The following CCSER1 variants were observed in gnomAD, a reference collection of about 807,000 sequenced individuals.
The protein encoded by CCSER1 is serine-rich coiled-coil domain-containing protein 1.
CCSER1 carries 41 observed loss-of-function variants against 82.0 expected under a neutral mutation model. The observed-to-expected ratio is 0.50, with a 90% CI of 0.39 to 0.65. The LOEUF is 0.65. Ranked by LOEUF, CCSER1 falls within the 30% of genes least tolerant of loss-of-function variation. The pLI, the probability that CCSER1 is intolerant of heterozygous loss-of-function variation, is 0.00. For missense variants in CCSER1, 1,119 were observed against 1,064.2 expected (o/e 1.05, Z -0.72); for synonymous variants, 414 against 383.9 (o/e 1.08, Z -0.92).
intron 10 of CCSER1, among the ~76,000 whole-genome samples, chr4:91,477,271 A>ATT (rs1311744433): frequency 6.6e-6 from 1 of 151,712 alleles, no homozygotes; most frequent in East Asian, 1.9e-4. Context: ...TCTTAAGACA[A>ATT]TTCTCAAAAG....
At chr4:91,337,296 C>T (rs1747388826) in intron 10 of CCSER1, among the ~76,000 whole-genome samples, 1 of 151,972 alleles carries the variant, frequency 6.6e-6, no homozygotes, top group Non-Finnish European at 1.5e-5. Flanking sequence ...TCTAATATAC[C>T]ATATACATTA....
chr4:91,477,865 A>G (rs1241754872), intron 10 of CCSER1, among the ~76,000 whole-genome samples: 1 of 151,800 alleles, frequency 6.6e-6, no homozygotes, highest in Non-Finnish European at 1.5e-5. Context: ...GATAAACATA[A>G]AGATATCTTT....
intron 10 of CCSER1, among the ~76,000 whole-genome samples, chr4:91,229,045 C>A (rs1006812594): frequency 2.0e-5 from 3 of 152,028 alleles, no homozygotes; most frequent in Admixed American, 2.0e-4. Flanking sequence ...GTAGAGCGGG[C>A]CAATGATAAA....
At chr4:91,140,785 T>C (rs1040524011) in intron 10 of CCSER1, among the ~76,000 whole-genome samples, 53 of 152,304 alleles carry the variant, frequency 3.5e-4, no homozygotes, top group African/African-American at 1.3e-3. Context: ...TTCAGTTTTC[T>C]TGTCTTTTCT....
At position 90,400,070 on chromosome 4, in the gene CCSER1, A is replaced by G; in HGVS notation, c.1544A>G (p.Asp515Gly). ...VLNNLGSCEL[D>G]EDDLMLDLEF... Reference sequence around the variant, plus strand: ...AATAATTTGGGATCTTGTGAACTGGATGAAGATGATCTAATGCTTGATCTT... The same window carrying G: ...AATAATTTGGGATCTTGTGAACTGGGTGAAGATGATCTAATGCTTGATCTT... Residue 515 changes from aspartate to glycine, a missense_variant, in exon 4 of 11, where the codon GAT becomes GGT. Transcript: ENST00000509176. 6.2e-7 allele frequency: 1 copy of G among 1,608,810 alleles called. No homozygotes were observed. The highest frequency in any genetic ancestry group is 8.5e-7 in the Non-Finnish European group (1 of 1,176,178).
chr4:90,290,638 T>G (rs1259547934), intron 1 of CCSER1, among the ~76,000 whole-genome samples: 3 of 151,964 alleles, frequency 2.0e-5, no homozygotes, highest in Admixed American at 6.6e-5. Context: ...TCTCTCTCGC[T>G]CGCTTGTTTT....
chr4:91,261,321 G>A (rs1741115407), intron 10 of CCSER1, among the ~76,000 whole-genome samples: 1 of 152,198 alleles, frequency 6.6e-6, no homozygotes, highest in Admixed American at 6.5e-5. Context: ...TGTCGATCAA[G>A]TTCTTAGGTC....
chr4:90,588,968 A>G (rs1411351986), intron 5 of CCSER1, among the ~76,000 whole-genome samples: 2 of 152,200 alleles, frequency 1.3e-5, no homozygotes, highest in East Asian at 3.8e-4. Flanking sequence ...CTGGTATGCA[A>G]ATAAGCAGAC....
intron 7 of CCSER1, among the ~76,000 whole-genome samples, chr4:90,761,000 T>G (rs1001404946): frequency 6.6e-6 from 1 of 152,100 alleles, no homozygotes; most frequent in Non-Finnish European, 1.5e-5. Flanking sequence ...AAGCTGAGAC[T>G]TGAAGGAAAA....
chr4:91,254,671 T>G (rs1740537483), intron 10 of CCSER1, among the ~76,000 whole-genome samples: 1 of 152,144 alleles, frequency 6.6e-6, no homozygotes, highest in South Asian at 2.1e-4. Context: ...AACTGCATAC[T>G]CAAAAGTGGT....
chr4:91,562,718 T>C (rs754749624), intron 10 of CCSER1, among the ~76,000 whole-genome samples: 7 of 151,704 alleles, frequency 4.6e-5, no homozygotes, highest in African/African-American at 1.4e-4. Flanking sequence ...ATTGTACTTA[T>C]AGTGATAGCT....
chr4:90,563,507 A>C (rs1044712138), intron 5 of CCSER1, among the ~76,000 whole-genome samples: 2 of 152,040 alleles, frequency 1.3e-5, no homozygotes, highest in Non-Finnish European at 2.9e-5. Context: ...TTATGTCAGC[A>C]ATTTTTTTCT....
At chr4:91,595,091 T>G (rs1296588128) in intron 10 of CCSER1, among the ~76,000 whole-genome samples, 1 of 151,548 alleles carries the variant, frequency 6.6e-6, no homozygotes, top group African/African-American at 2.4e-5. Context: ...CATCCAATAC[T>G]ATAGCCCTTC....
intron 9 of CCSER1, among the ~76,000 whole-genome samples, chr4:91,058,621 T>A (rs1322340796): frequency 1.3e-5 from 2 of 152,088 alleles, no homozygotes; most frequent in African/African-American, 4.8e-5. Context: ...AGGAGTCTTA[T>A]CCTCCTACTA....
At chr4:90,886,273 C>T (rs1722108216) in intron 8 of CCSER1, among the ~76,000 whole-genome samples, 1 of 152,204 alleles carries the variant, frequency 6.6e-6, no homozygotes, top group South Asian at 2.1e-4. Context: ...AACCCTCCTA[C>T]CATCTTTTCT....
At chr4:91,439,743 G>A (rs1430920670) in intron 10 of CCSER1, among the ~76,000 whole-genome samples, 1 of 151,836 alleles carries the variant, frequency 6.6e-6, no homozygotes, top group Non-Finnish European at 1.5e-5. Flanking sequence ...GACACACATA[G>A]GCTCAAAATA....
At chr4:90,299,647 T>G (rs1266180545) in intron 1 of CCSER1, among the ~76,000 whole-genome samples, 2 of 152,046 alleles carry the variant, frequency 1.3e-5, no homozygotes, top group African/African-American at 4.8e-5. Flanking sequence ...CTGTTAAAAG[T>G]GCCTCCATTA....
intron 3 of CCSER1, among the ~76,000 whole-genome samples, chr4:90,318,655 ATAG>A (rs1447837431): frequency 2.6e-5 from 4 of 152,216 alleles, no homozygotes; most frequent in African/African-American, 9.6e-5. Context: ...ATTATTGATA[ATAG>A]TAGAATAATA....
At chr4:91,022,472 A>G (rs369793800) in intron 9 of CCSER1, among the ~76,000 whole-genome samples, 8 of 152,066 alleles carry the variant, frequency 5.3e-5, no homozygotes, top group South Asian at 2.1e-4. Flanking sequence ...GTAAACATAC[A>G]TGTGCATGTG....
Sources: gnomAD v4.1 joint callset for allele counts (sites outside exome capture counted in the v4.1 genomes callset) on GRCh38, gnomAD v4.1.1 for gene constraint, MANE v1.5 for transcripts, NCBI Gene and HGNC (gene_info 2026-07-23, HGNC 2026-07-21) for gene names.